The following FAU variants were observed in gnomAD, a reference collection of about 807,000 sequenced individuals.
The protein encoded by FAU is ubiquitin-like FUBI-ribosomal protein eS30 fusion protein.
For missense variants in FAU, 125 were observed against 173.9 expected (o/e 0.72, Z 1.58); for synonymous variants, 70 against 69.9 (o/e 1.00, Z -0.01).
In FAU at chr11:65,121,648, C is replaced by T. The variant is rs1344159218; in HGVS notation, c.76-4G>A. On this transcript the variant is annotated splice_region_variant and splice_polypyrimidine_tract_variant and intron_variant, in intron 2 of 4. Coordinates refer to ENST00000529639, the MANE Select transcript of FAU (RefSeq NM_001997.5). ...CCTCCAGTGAGGCTACATGAGCCTA[C>T]AGGGAAAGATAAGGCTCGTAAGCGT... The T allele has an allele frequency of 1.4e-5, 23 of 1,613,818 alleles. No homozygotes were observed. The highest frequency in any genetic ancestry group is 1.9e-5 in the Non-Finnish European group (22 of 1,179,948).
Position 65,121,772 on chromosome 11 carries a change from C to T in FAU, c.42G>A (p.Glu14=). Reference sequence around the variant, plus strand: ...GGGCGACCGTTTCCTGGCCGGTCACCTCGAAGGTGTGTAGCTCCTGGGCGC... The same window carrying T: ...GGGCGACCGTTTCCTGGCCGGTCACTTCGAAGGTGTGTAGCTCCTGGGCGC... ...FVRAQELHTF[E]VTGQETVAQI... The change falls in exon 2 of 5, where the codon GAG becomes GAA. Residue 14 remains glutamate (E), a synonymous_variant. Transcript: ENST00000529639. 1 of 1,614,140 alleles carries T rather than the reference C, an allele frequency of 6.2e-7. No homozygotes were observed. Among genetic ancestry groups the T allele is most frequent in the Non-Finnish European group, 8.5e-7 (1 of 1,180,046 alleles).
chr11:65,120,997 C>G lies in FAU; in HGVS notation c.260G>C (p.Arg87Thr), dbSNP rs764064650. ...CTCACTCACCTTAGGAGTCTGACCT[C>G]TCACTTTTCCAGCACGGGCCAGGGA... ...HGSLARAGKV[R>T]GQTPKVAKQE... The change falls in exon 4 of 5, where the codon AGA (arginine) becomes ACA (threonine). Residue 87 changes from arginine (R) to threonine (T), a missense_variant. Transcript: ENST00000529639. 6.2e-7 allele frequency: 1 copy of G among 1,614,166 alleles called. No individual in the cohort carries two copies. The highest frequency in any genetic ancestry group is 1.7e-5 in the Admixed American group (1 of 60,022).
intron 1 of FAU, 83 bp downstream of exon 1, chr11:65,122,007 G>A: frequency 1.1e-5 from 7 of 632,586 alleles, no homozygotes; most frequent in Non-Finnish European, 1.9e-5. Flanking sequence ...AGCAGGCCCC[G>A]TTCTTCGGTT....
Position 65,120,859 on chromosome 11 carries a change from T to C in FAU, c.277-53A>G. 6 of 1,610,808 alleles carry C rather than the reference T, an allele frequency of 3.7e-6. No individual in the cohort carries two copies. In the South Asian group the frequency reaches 6.6e-5, roughly 18 times the overall value. ...TGGTTCCTGTCTTCCACACCTAGCA[T>C]CCCTTCCCTCAGGCTCATCTCCAGG... is the stretch of plus-strand genomic sequence containing the variant. On this transcript the variant is annotated intron_variant, in intron 4 of 4. Transcript: ENST00000529639.
chr11:65,121,896 C>A, intron 1 of FAU, 75 bp from the exon 2 acceptor site: 1 of 1,496,176 alleles, frequency 6.7e-7, no homozygotes, highest in Non-Finnish European at 9.2e-7. Context: ...GAGTGGAAAG[C>A]GGTCCAGAAA....
chr11:65,121,676 C>T lies in FAU; in HGVS notation c.76-32G>A, dbSNP rs755652424. Reference sequence around the variant, plus strand: ...GGAAAGATAAGGCTCGTAAGCGTTCCCTCGGGCCGCGAGAGTGAAGAGCAC... The same window carrying T: ...GGAAAGATAAGGCTCGTAAGCGTTCTCTCGGGCCGCGAGAGTGAAGAGCAC... On this transcript the variant is annotated intron_variant, in intron 2 of 4. Transcript: ENST00000529639. The T allele has an allele frequency of 6.2e-6, 10 of 1,613,650 alleles. No individual in the cohort carries two copies. In the South Asian group the frequency reaches 7.7e-5, roughly 12 times the overall value.
chr11:65,121,213 A>G, intron 3 of FAU, 177 bp from the exon 4 acceptor site: 2 of 786,414 alleles, frequency 2.5e-6, no homozygotes, highest in Non-Finnish European at 4.0e-6. Flanking sequence ...TCCAGCTTCT[A>G]ATTTTATAGA....
rs763442455 is a variant in FAU, at chr11:65,121,451, C to A, written c.220+49G>T. 3.1e-6 allele frequency: 5 copies of A among 1,592,244 alleles called. No individual in the cohort carries two copies. In the East Asian group the frequency reaches 1.1e-4, roughly 36 times the overall value. ...AGCTGTCAGGACTATGCACCCCACA[C>A]TCACTAGACGCTTACCGGTACTTCA... is the stretch of plus-strand genomic sequence containing the variant. On this transcript the variant is annotated intron_variant, in intron 3 of 4. Transcript: ENST00000529639.
At chr11:65,121,348 C>A in intron 3 of FAU, 152 bp downstream of exon 3, 1 of 1,068,028 alleles carries the variant, frequency 9.4e-7, no homozygotes, top group African/African-American at 1.6e-5. Context: ...CTGTGTTCAA[C>A]ATGAGGGATG....
chr11:65,121,955 G>A, intron 1 of FAU, 134 bp from the exon 2 acceptor site: 1 of 839,756 alleles, frequency 1.2e-6, no homozygotes, highest in Non-Finnish European at 1.9e-6. Context: ...GGAAGGCCAG[G>A]CCTCCCAAGG....
chr11:65,121,627 C>T lies in FAU; in HGVS notation c.93G>A (p.Leu31=). ...VAQIKAHVAS[L]EGIAPEDQVV... ...CTTGATCTTCCGGGGCAATGCCCTC[C>T]AGTGAGGCTACATGAGCCTACAGGG... Residue 31 remains leucine (L), a synonymous_variant, in exon 3 of 5, where the codon CTG becomes CTA. Transcript: ENST00000529639. 6.2e-7 allele frequency: 1 copy of T among 1,613,982 alleles called. No homozygotes were observed. The highest frequency in any genetic ancestry group is 1.1e-5 in the South Asian group (1 of 91,086).
At chr11:65,121,183 T>C (rs1312260469) in intron 3 of FAU, 147 bp from the exon 4 acceptor site, 2 of 893,798 alleles carry the variant, frequency 2.2e-6, no homozygotes, top group Non-Finnish European at 1.7e-6. Flanking sequence ...CTTGAAATCT[T>C]AAGTTTCATT....
In FAU at chr11:65,121,653, AAAGAT is replaced by A; in HGVS notation, c.76-14_76-10del. On this transcript the variant is annotated splice_polypyrimidine_tract_variant and intron_variant, in intron 2 of 4. Transcript: ENST00000529639. ...AGTGAGGCTACATGAGCCTACAGGG[AAAGAT>A]AAGGCTCGTAAGCGTTCCCTCGGGC... 1 of 1,613,816 alleles carries A rather than the reference AAAGAT, an allele frequency of 6.2e-7. No individual in the cohort carries two copies. Among genetic ancestry groups the A allele is most frequent in the Admixed American group, 1.7e-5 (1 of 59,994 alleles).
In FAU at chr11:65,121,572, C is replaced by G. The variant is rs753600908; in HGVS notation, c.148G>C (p.Asp50His). The change falls in exon 3 of 5, where the codon GAT becomes CAT. Residue 50 changes from aspartate to histidine, a missense_variant. Transcript: ENST00000529639. ...VVLLAGAPLE[D>H]EATLGQCGVE... ...CCGCACTGGCCCAGAGTGGCCTCAT[C>G]CTCCAGGGGCGCGCCTGCCAGGAGC... 2.2e-5 allele frequency: 36 copies of G among 1,614,034 alleles called. No homozygotes were observed. The highest frequency in any genetic ancestry group is 2.8e-5 in the Non-Finnish European group (33 of 1,180,038).
chr11:65,121,264 A>G, intron 3 of FAU: 1 of 723,832 alleles, frequency 1.4e-6, no homozygotes, highest in South Asian at 1.9e-5. Flanking sequence ...TTAGTGTGGA[A>G]GCTGATAACC....
At chr11:65,121,395 G>C in intron 3 of FAU, 105 bp downstream of exon 3, 4 of 1,402,336 alleles carry the variant, frequency 2.9e-6, no homozygotes, top group Non-Finnish European at 3.9e-6. Flanking sequence ...AAGACAGTGA[G>C]AAGTACTCTA....
In FAU at chr11:65,121,656, G is replaced by T. The variant is rs1394191143; in HGVS notation, c.76-12C>A. ...GAGGCTACATGAGCCTACAGGGAAA[G>T]ATAAGGCTCGTAAGCGTTCCCTCGG... On this transcript the variant is annotated splice_polypyrimidine_tract_variant and intron_variant, in intron 2 of 4. Coordinates refer to ENST00000529639, the MANE Select transcript of FAU (RefSeq NM_001997.5). 6.2e-7 allele frequency: 1 copy of T among 1,613,714 alleles called. No individual in the cohort carries two copies. Among genetic ancestry groups the T allele is most frequent in the Admixed American group, 1.7e-5 (1 of 59,986 alleles).
In FAU at chr11:65,121,014, G is replaced by A. The variant is rs970115371; in HGVS notation, c.243C>T (p.Ala81=). 6.2e-7 allele frequency: 1 copy of A among 1,614,104 alleles called. No homozygotes were observed. The highest frequency in any genetic ancestry group is 1.7e-5 in the Admixed American group (1 of 60,000). ...TCTGACCTCTCACTTTTCCAGCACGGGCCAGGGAACCATGGACTTTACCTG... is the reference window on the plus strand; with the variant it reads ...TCTGACCTCTCACTTTTCCAGCACGAGCCAGGGAACCATGGACTTTACCTG... The part of the protein sequence containing the change: ...MLGGKVHGSL[A]RAGKVRGQTP... The change falls in exon 4 of 5, where the codon GCC becomes GCT. Residue 81 remains alanine (A), a synonymous_variant. Transcript: ENST00000529639.
At position 65,121,020 on chromosome 11, in the gene FAU, G is replaced by C; in HGVS notation, c.237C>G (p.Ser79=). 6.2e-7 allele frequency: 1 copy of C among 1,614,116 alleles called. No individual in the cohort carries two copies. The highest frequency in any genetic ancestry group is 8.5e-7 in the Non-Finnish European group (1 of 1,180,022). Residue 79 remains serine (S), a synonymous_variant, in exon 4 of 5, where the codon TCC becomes TCG. Coordinates refer to ENST00000529639, the MANE Select transcript of FAU (RefSeq NM_001997.5). ...CTCTCACTTTTCCAGCACGGGCCAG[G>C]GAACCATGGACTTTACCTGTAGTGG... ...GRMLGGKVHG[S]LARAGKVRGQ...
Sources: allele counts gnomAD v4.1 joint callset, GRCh38; gene constraint gnomAD v4.1.1; transcripts MANE v1.5; gene names NCBI Gene and HGNC (gene_info 2026-07-23, HGNC 2026-07-21).